Variants in ITGB6 observed in about 807,000 individuals in gnomAD.
ITGB6 encodes the protein integrin subunit beta 6.
Under a neutral mutation model 84.5 loss-of-function variants are expected in ITGB6, and 80 were observed. The observed-to-expected ratio is 0.95, with a 90% CI of 0.79 to 1.14. ITGB6 has a LOEUF of 1.14. ITGB6 is among the 50% of genes most tolerant of loss of function. The probability of loss-of-function intolerance (pLI) is 0.00; values close to 1 mark genes in which losing one functional copy is unlikely to be tolerated. For synonymous variants in ITGB6, 383 were observed against 354.9 expected, an observed-to-expected ratio of 1.08 and a Z score of -0.89; for missense variants, 1,006 against 968.0, an observed-to-expected ratio of 1.04 and a Z score of -0.52.
At chr2:160,141,271 G>C (rs1277054792) in intron 8 of ITGB6, among the ~76,000 whole-genome samples, 11 of 152,052 alleles carry the variant, frequency 7.2e-5, no homozygotes, top group Admixed American at 3.9e-4. Context: ...AAAAAAAAAG[G>C]GGGGGTGATA....
chr2:160,126,040 C>T lies in ITGB6; in HGVS notation c.1883+339G>A, dbSNP rs186760522. Among the ~76,000 whole-genome samples, 14 of 152,252 alleles carry T rather than the reference C, an allele frequency of 9.2e-5. No homozygotes were observed. The East Asian group carries it at 2.7e-3, about 29-fold the overall frequency. On this transcript the variant is annotated intron_variant, in intron 11 of 14. Coordinates refer to ENST00000283249, the MANE Select transcript of ITGB6 (RefSeq NM_000888.5). ...CTACTGACTGCATGTGGGTGTCATC[C>T]GTCTACCTCCAGGGCATTCCTTCTG...
At chr2:160,177,124 T>C (rs887984224) in intron 4 of ITGB6, among the ~76,000 whole-genome samples, 18 of 152,312 alleles carry the variant, frequency 1.2e-4, no homozygotes, top group Non-Finnish European at 2.4e-4. Flanking sequence ...ACTAGTTGAT[T>C]AGCAAAAAAT....
At chr2:160,108,576 T>C (rs1697001845) in intron 13 of ITGB6, among the ~76,000 whole-genome samples, 1 of 152,166 alleles carries the variant, frequency 6.6e-6, no homozygotes, top group Non-Finnish European at 1.5e-5. Flanking sequence ...CAGTGTTCCC[T>C]TACCTTTTCT....
intron 6 of ITGB6, among the ~76,000 whole-genome samples, chr2:160,170,796 C>T (rs1473028459): frequency 6.6e-6 from 1 of 152,174 alleles, no homozygotes; most frequent in Non-Finnish European, 1.5e-5. Flanking sequence ...GAAAGAACAA[C>T]TTGAACATTT....
intron 4 of ITGB6, among the ~76,000 whole-genome samples, chr2:160,185,349 C>T (rs1685851729): frequency 6.6e-6 from 1 of 152,052 alleles, no homozygotes; most frequent in South Asian, 2.1e-4. Flanking sequence ...GACAGAGAGC[C>T]AAATCATGAG....
At chr2:160,123,910 G>A in intron 11 of ITGB6, 22 bp from the exon 12 acceptor site, 2 of 1,559,062 alleles carry the variant, frequency 1.3e-6, no homozygotes, top group Non-Finnish European at 1.8e-6. Context: ...ATCCAACAGT[G>A]TATCAGTTCA....
Position 160,154,702 on chromosome 2 carries a change from TA to T in ITGB6, c.1018-12632del, listed in dbSNP as rs112836277. On this transcript the variant is annotated intron_variant, in intron 7 of 14. Transcript: ENST00000283249. ...GATGTCCTTTAGTAGGTGAATAGTT[TA>T]AAAAAAAAAAGGCTGTGGTACATTC... is the stretch of plus-strand genomic sequence containing the variant. 9.6e-3 allele frequency among the ~76,000 whole-genome samples: 1,401 copies of T among 145,220 alleles called. 27 individuals carry two copies. Among genetic ancestry groups the T allele is most frequent in the African/African-American group, 0.032 (1,294 of 39,958 alleles).
At chr2:160,178,189 G>A (rs1685507769) in intron 4 of ITGB6, among the ~76,000 whole-genome samples, 1 of 152,150 alleles carries the variant, frequency 6.6e-6, no homozygotes, top group Non-Finnish European at 1.5e-5. Flanking sequence ...ATCTATCTTT[G>A]GGCAAGTTAT....
chr2:160,111,702 C>T (rs554503590), intron 13 of ITGB6, among the ~76,000 whole-genome samples: 1 of 151,584 alleles, frequency 6.6e-6, no homozygotes, highest in African/African-American at 2.4e-5. Context: ...GCCTCAGCCT[C>T]CCAAGTAGCT....
chr2:160,143,411 T>C (rs1227686465), intron 7 of ITGB6, among the ~76,000 whole-genome samples: 1 of 152,340 alleles, frequency 6.6e-6, no homozygotes, highest in Non-Finnish European at 1.5e-5. Flanking sequence ...TTCTTATATG[T>C]GTTTTTAAAT....
intron 4 of ITGB6, among the ~76,000 whole-genome samples, chr2:160,176,122 C>T (rs544868072): frequency 6.6e-6 from 1 of 152,262 alleles, no homozygotes; most frequent in South Asian, 2.1e-4. Context: ...ATGGAGGAAC[C>T]CAGCACTGAA....
rs545880628 is a variant in ITGB6, at chr2:160,174,438, C to G, written c.594-299G>C. Among the ~76,000 whole-genome samples the G allele has an allele frequency of 2.0e-4, 30 of 152,224 alleles. 1 individual carries two copies. The highest frequency in any genetic ancestry group is 6.0e-4 in the African/African-American group (25 of 41,542). On this transcript the variant is annotated intron_variant, in intron 4 of 14. Coordinates refer to ENST00000283249, the MANE Select transcript of ITGB6 (RefSeq NM_000888.5). ...GTGTGTGTGTGTGTGTAATCACTACCTTCTATGGGCTCCCAACCAAAATTC... is the reference window on the plus strand; with the variant it reads ...GTGTGTGTGTGTGTGTAATCACTACGTTCTATGGGCTCCCAACCAAAATTC...
At chr2:160,166,926 T>G (rs1400829445) in intron 7 of ITGB6, among the ~76,000 whole-genome samples, 1 of 152,192 alleles carries the variant, frequency 6.6e-6, no homozygotes, top group East Asian at 1.9e-4. Context: ...AAACAGTCAT[T>G]TTTCCTGCAT....
chr2:160,158,985 A>G lies in ITGB6; in HGVS notation c.1017+10227T>C, dbSNP rs375611156. On this transcript the variant is annotated intron_variant, in intron 7 of 14. Transcript: ENST00000283249. ...GTGGTGGTGTGCGCCTGTAGTCCCCACTACTCAGGAGGCTGAGGCAGGAGA... is the reference window on the plus strand; with the variant it reads ...GTGGTGGTGTGCGCCTGTAGTCCCCGCTACTCAGGAGGCTGAGGCAGGAGA... Among the ~76,000 whole-genome samples the G allele has an allele frequency of 1.1e-4, 16 of 151,864 alleles. No individual in the cohort carries two copies. The East Asian group carries it at 2.3e-3, about 22-fold the overall frequency.
In ITGB6 at chr2:160,195,596, C is replaced by T; in HGVS notation, c.366G>A (p.Gln122=). ...KLRPGGAQTL[Q]VHVRQTEDYP... The stretch of plus-strand genomic sequence containing the variant: ...AGTCCTCAGTCTGGCGGACATGCAC[C>T]TGCAGAGTCTGCGCACCACCTGCAA... Residue 122 remains glutamine (Q), a synonymous_variant, in exon 4 of 15, where the codon CAG becomes CAA. Transcript: ENST00000283249. 2.5e-6 allele frequency: 4 copies of T among 1,614,012 alleles called. No individual in the cohort carries two copies. Among genetic ancestry groups the T allele is most frequent in the Non-Finnish European group, 3.4e-6 (4 of 1,179,982 alleles).
chr2:160,101,427 T>C lies in ITGB6; in HGVS notation c.*309A>G, dbSNP rs1194344198. 3.4e-6 allele frequency: 1 copy of C among 293,770 alleles called. No individual in the cohort carries two copies. Among genetic ancestry groups the C allele is most frequent in the Non-Finnish European group, 6.3e-6 (1 of 158,502 alleles). The allele number at this position is 293,770 out of a possible 1,614,324, so 18.2% of individuals were successfully genotyped here. A position where few individuals can be genotyped will look rare whatever the true frequency, so the allele number is the denominator to read the frequency against. The stretch of plus-strand genomic sequence containing the variant: ...ATTCCTGAAACAAATGAGACTCTAA[T>C]TTCAAACATTTTTCAAATGCAAATC... On this transcript the variant is annotated 3_prime_UTR_variant, in exon 15 of 15. Coordinates refer to ENST00000283249, the MANE Select transcript of ITGB6 (RefSeq NM_000888.5).
chr2:160,190,299 A>T (rs4630719), intron 4 of ITGB6, among the ~76,000 whole-genome samples: 24,439 of 151,710 alleles, frequency 0.16, 4,147 homozygotes, highest in East Asian at 0.44. Flanking sequence ...GCACATGTAT[A>T]TATATGTAAC....
At chr2:160,139,017 G>T (rs898949007) in intron 8 of ITGB6, among the ~76,000 whole-genome samples, 20 of 152,188 alleles carry the variant, frequency 1.3e-4, no homozygotes, top group African/African-American at 4.8e-4. Context: ...AAAATGTAGG[G>T]GGAAAGTGTG....
intron 7 of ITGB6, among the ~76,000 whole-genome samples, chr2:160,163,499 G>T (rs1310817720): frequency 1.3e-5 from 2 of 152,156 alleles, no homozygotes; most frequent in Non-Finnish European, 2.9e-5. Flanking sequence ...GGGCATGGTG[G>T]CACACGCCTG....
Sources: gnomAD v4.1 joint callset for allele counts (sites outside exome capture counted in the v4.1 genomes callset) on GRCh38, gnomAD v4.1.1 for gene constraint, MANE v1.5 for transcripts, NCBI Gene and HGNC (gene_info 2026-07-23, HGNC 2026-07-21) for gene names.